Variants in CTNNBIP1 observed in about 807,000 individuals in gnomAD.
CTNNBIP1 encodes catenin beta interacting protein 1.
In CTNNBIP1, 7 loss-of-function variants were observed where a neutral mutation model predicts 11.8. That is an observed-to-expected ratio of 0.60 (90% CI 0.34 to 1.12). The LOEUF (loss-of-function observed/expected upper bound fraction) is 1.12. Among genes scored for constraint, CTNNBIP1 ranks in the 50% most tolerant of loss-of-function variants. The pLI, the probability that CTNNBIP1 is intolerant of heterozygous loss-of-function variation, is 0.03. For missense variants in CTNNBIP1, 101 were observed against 113.4 expected (o/e 0.89, Z 0.50); for synonymous variants, 58 against 43.9 (o/e 1.32, Z -1.26).
intron 1 of CTNNBIP1, among the ~76,000 whole-genome samples, chr1:9,891,030 A>C (rs1434029538): frequency 6.6e-6 from 1 of 152,144 alleles, no homozygotes; most frequent in Non-Finnish European, 1.5e-5. Context: ...AAGCTCCATC[A>C]ATCCCGCTGT....
chr1:9,866,462 G>A (rs1388990975), intron 5 of CTNNBIP1, among the ~76,000 whole-genome samples: 1 of 152,154 alleles, frequency 6.6e-6, no homozygotes, highest in Non-Finnish European at 1.5e-5. Flanking sequence ...GGGAGGCCAA[G>A]GTGTATGGAT....
In CTNNBIP1 at chr1:9,872,403, C is replaced by A. The variant is rs1361373752; in HGVS notation, c.-24-315G>T. 1.3e-5 allele frequency among the ~76,000 whole-genome samples: 2 copies of A among 152,244 alleles called. No homozygotes were observed. Among genetic ancestry groups the A allele is most frequent in the Non-Finnish European group, 2.9e-5 (2 of 68,042 alleles). On this transcript the variant is annotated intron_variant, in intron 3 of 5. Coordinates refer to ENST00000377263, the MANE Select transcript of CTNNBIP1 (RefSeq NM_020248.3). The surrounding 1 kb of genome is among the most constrained non-coding windows in gnomAD (Gnocchi z 4.0). ...GCTGGTTGTTTCTACCTGTGAATCA[C>A]CCCAGAGCAAAGCTCCTGCTACAAG...
chr1:9,859,094 C>T (rs1638569157), intron 5 of CTNNBIP1, among the ~76,000 whole-genome samples: 1 of 152,146 alleles, frequency 6.6e-6, no homozygotes, highest in African/African-American at 2.4e-5. Context: ...TGGGAACAGC[C>T]CTGGCCCTGG....
chr1:9,899,800 A>G (rs1214684483), intron 1 of CTNNBIP1, among the ~76,000 whole-genome samples: 7 of 144,504 alleles, frequency 4.8e-5, no homozygotes, highest in Admixed American at 4.1e-4. Flanking sequence ...ATGGCTGTGC[A>G]TGGTGGCTCA....
At chr1:9,852,092 G>A (rs1362139178) in intron 5 of CTNNBIP1, among the ~76,000 whole-genome samples, 1 of 152,184 alleles carries the variant, frequency 6.6e-6, no homozygotes, top group Non-Finnish European at 1.5e-5. Flanking sequence ...ACCCGAGGGT[G>A]GGCCAGTGTG....
At chr1:9,907,142 A>G (rs964978181) in intron 1 of CTNNBIP1, among the ~76,000 whole-genome samples, 3 of 152,016 alleles carry the variant, frequency 2.0e-5, no homozygotes, top group African/African-American at 7.3e-5. Flanking sequence ...CAGCATGGAG[A>G]TAAGTTTTAT....
chr1:9,875,535 A>G (rs1638950504), intron 3 of CTNNBIP1, among the ~76,000 whole-genome samples: 1 of 152,182 alleles, frequency 6.6e-6, no homozygotes, highest in Non-Finnish European at 1.5e-5. Context: ...TGGGATTCCT[A>G]GGGCTTGGGC....
chr1:9,857,148 A>T (rs1315214971), intron 5 of CTNNBIP1, among the ~76,000 whole-genome samples: 1 of 150,490 alleles, frequency 6.6e-6, no homozygotes, highest in Non-Finnish European at 1.5e-5. Context: ...AAAACAAAAA[A>T]AACCCTCAAT....
chr1:9,870,902 A>G (rs7541300), intron 5 of CTNNBIP1, among the ~76,000 whole-genome samples: 5,305 of 152,290 alleles, frequency 0.035, 297 homozygotes, highest in African/African-American at 0.12. Context: ...GAGCGCCCCC[A>G]GACATCTCCA....
intron 5 of CTNNBIP1, among the ~76,000 whole-genome samples, chr1:9,870,389 G>A (rs1638836379): frequency 1.3e-5 from 2 of 152,212 alleles, no homozygotes; most frequent in Non-Finnish European, 2.9e-5. Context: ...GAGCAGCCAA[G>A]GGACATGGAG....
At position 9,867,098 on chromosome 1, in the gene CTNNBIP1, T is replaced by G. The variant is rs766893278; in HGVS notation, c.187+4089A>C. Among the ~76,000 whole-genome samples the G allele has an allele frequency of 5.3e-5, 8 of 152,018 alleles. No homozygotes were observed. The highest frequency in any genetic ancestry group is 8.8e-5 in the Non-Finnish European group (6 of 67,962). Reference sequence around the variant, plus strand: ...TCTCTGTTGAGATCACAGCACTGCGTGTGGAACAGGGAGAAGAGAGGGGGC... The same window carrying G: ...TCTCTGTTGAGATCACAGCACTGCGGGTGGAACAGGGAGAAGAGAGGGGGC... On this transcript the variant is annotated intron_variant, in intron 5 of 5. Transcript: ENST00000377263. The surrounding 1 kb of genome is among the most constrained non-coding windows in gnomAD (Gnocchi z 4.6).
intron 3 of CTNNBIP1, among the ~76,000 whole-genome samples, chr1:9,873,993 C>T (rs1419175955): frequency 6.6e-6 from 1 of 152,124 alleles, no homozygotes; most frequent in Non-Finnish European, 1.5e-5. Context: ...CCCACCTCAT[C>T]CTCCCCAAAA....
chr1:9,875,018 A>T (rs1638935968), intron 3 of CTNNBIP1, among the ~76,000 whole-genome samples: 1 of 152,242 alleles, frequency 6.6e-6, no homozygotes, highest in Non-Finnish European at 1.5e-5. Flanking sequence ...CTGGTGAGAG[A>T]CAGGGTGAAA....
rs1206539554 is a variant in CTNNBIP1, at chr1:9,883,370, CGA to C, written c.-110+333_-110+334del. Among the ~76,000 whole-genome samples, 2 of 151,964 alleles carry C rather than the reference CGA, an allele frequency of 1.3e-5. No individual in the cohort carries two copies. Among genetic ancestry groups the C allele is most frequent in the Non-Finnish European group, 1.5e-5 (1 of 67,992 alleles). On this transcript the variant is annotated intron_variant, in intron 2 of 5. Transcript: ENST00000377263. The surrounding 1 kb of genome is among the most constrained non-coding windows in gnomAD (Gnocchi z 5.6). ...GAGCAAGAACAGTGAGAGCTGCTCC[CGA>C]GAGGCAGGAACCAGTGGGTTTTCTA...
At chr1:9,882,485 C>T (rs180691646) in intron 2 of CTNNBIP1, among the ~76,000 whole-genome samples, 18 of 152,188 alleles carry the variant, frequency 1.2e-4, no homozygotes, top group East Asian at 7.7e-4. Flanking sequence ...GTGGCATACA[C>T]GTAGGAAGGC....
chr1:9,883,510 C>CCATGCA lies in CTNNBIP1; in HGVS notation c.-110+189_-110+194dup, dbSNP rs1412831319. 2.0e-5 allele frequency among the ~76,000 whole-genome samples: 3 copies of CCATGCA among 152,202 alleles called. No homozygotes were observed. Among genetic ancestry groups the CCATGCA allele is most frequent in the Non-Finnish European group, 4.4e-5 (3 of 68,034 alleles). On this transcript the variant is annotated intron_variant, in intron 2 of 5. Transcript: ENST00000377263. The surrounding 1 kb of genome is among the most constrained non-coding windows in gnomAD (Gnocchi z 5.6). ...CCCTCACTAAGCATGGGACTGCCCC[C>CCATGCA]CATGCACATGCTCCAACAGGACAGG...
At position 9,850,756 on chromosome 1, in the gene CTNNBIP1, C is replaced by A; in HGVS notation, c.208G>T (p.Ala70Ser). Residue 70 changes from alanine (A) to serine (S), a missense_variant, in exon 6 of 6, where the codon GCG (alanine) becomes TCG (serine). Coordinates refer to ENST00000377263, the MANE Select transcript of CTNNBIP1 (RefSeq NM_020248.3). ...TCTTCCGTCTCCGACCTGGAAAACG[C>A]CATCACCACGTCCTCTGCACCTGCA... is the stretch of plus-strand genomic sequence containing the variant. ...IDQGAEDVVM[A>S]FSRSETEDRR... The A allele has an allele frequency of 6.2e-7, 1 of 1,613,908 alleles. No individual in the cohort carries two copies. Among genetic ancestry groups the A allele is most frequent in the Non-Finnish European group, 8.5e-7 (1 of 1,179,876 alleles).
chr1:9,902,309 G>A (rs187081236), intron 1 of CTNNBIP1, among the ~76,000 whole-genome samples: 11 of 152,240 alleles, frequency 7.2e-5, no homozygotes, highest in Admixed American at 3.3e-4. Context: ...GAAGTGCACC[G>A]TGTTAATGGC....
intron 5 of CTNNBIP1, 64 bp from the exon 6 acceptor site, chr1:9,850,840 C>T: frequency 6.6e-7 from 1 of 1,519,672 alleles, no homozygotes; most frequent in Non-Finnish European, 9.1e-7. Context: ...ACAGGACAAG[C>T]AAGGAGGCTG....
Sources: gnomAD v4.1 joint callset for allele counts (sites outside exome capture counted in the v4.1 genomes callset) on GRCh38, gnomAD v4.1.1 for gene constraint, Gnocchi (gnomAD v3.1) non-coding constraint, MANE v1.5 for transcripts, NCBI Gene and HGNC (gene_info 2026-07-23, HGNC 2026-07-21) for gene names.